EID2B: variants seen among roughly 807,000 people sequenced by gnomAD.
EID2B encodes EP300 interacting inhibitor of differentiation 2B.
EID2B carries 6 observed loss-of-function variants against 5.9 expected under a neutral mutation model. The ratio of observed to expected loss-of-function variants is 1.01; its 90% CI spans 0.55 to 2.00. The LOEUF is 2.00. EID2B is among the 30% of genes most tolerant of loss of function. The pLI, the probability that EID2B is intolerant of heterozygous loss-of-function variation, is 0.00. For synonymous variants in EID2B, 94 were observed against 104.2 expected (o/e 0.90, Z 0.60); for missense variants, 234 against 228.1 (o/e 1.03, Z -0.17).
At position 39,531,681 on chromosome 19, in the gene EID2B, AG is replaced by A. The variant is rs1272250436; in HGVS notation, c.*635del. ...AAAACACAAATATGAATCTTACACTAGGATTTGTTGACATGACCACAAATTG... is the reference window on the plus strand; with the variant it reads ...AAAACACAAATATGAATCTTACACTAGATTTGTTGACATGACCACAAATTG... On this transcript the variant is annotated 3_prime_UTR_variant, in exon 1 of 1. Coordinates refer to ENST00000326282, the MANE Select transcript of EID2B (RefSeq NM_152361.3). 2 of 152,244 alleles carry A rather than the reference AG, an allele frequency of 1.3e-5. No individual in the cohort carries two copies. The highest frequency in any genetic ancestry group is 2.4e-5 in the African/African-American group (1 of 41,464). 9.4% of individuals were successfully genotyped at this position (152,244 alleles called of 1,614,324 possible).
chr19:39,532,057 C>G lies in EID2B; in HGVS notation c.*260G>C, dbSNP rs1291558811. ...GGAGGATCGCTCGGGTCCAAGCGTT[C>G]GGGACCAGCCTAGGGATGCGAGACT... On this transcript the variant is annotated 3_prime_UTR_variant, in exon 1 of 1. Transcript: ENST00000326282. The G allele has an allele frequency of 2.2e-6, 1 of 450,128 alleles. No individual in the cohort carries two copies. The highest frequency in any genetic ancestry group is 4.3e-5 in the East Asian group (1 of 23,504). The allele number at this position is 450,128 out of a possible 1,614,324, so 27.9% of individuals were successfully genotyped here. A position where few individuals can be genotyped will look rare whatever the true frequency, so the allele number is the denominator to read the frequency against.
rs199839095 is a variant in EID2B, at chr19:39,532,828, G to C, written c.-26C>G. The C allele has an allele frequency of 1.2e-6, 2 of 1,604,108 alleles. No individual in the cohort carries two copies. The highest frequency in any genetic ancestry group is 2.2e-5 in the East Asian group (1 of 44,880). The stretch of plus-strand genomic sequence containing the variant: ...AGTCCCAGCGTTTCTACGGAGACTG[G>C]AATAACGGCACTGCACTGCTGTATG... On this transcript the variant is annotated 5_prime_UTR_variant, in exon 1 of 1. Transcript: ENST00000326282.
chr19:39,532,177 T>C lies in EID2B; in HGVS notation c.*140A>G, dbSNP rs1971969622. ...TTTCGGAGTGTGCTTCCTCCTTCAA[T>C]TGCACATTGCCGTATTCCCTTCCAG... On this transcript the variant is annotated 3_prime_UTR_variant, in exon 1 of 1. Transcript: ENST00000326282. 9 of 975,576 alleles carry C rather than the reference T, an allele frequency of 9.2e-6. No homozygotes were observed. The East Asian group carries it at 1.1e-4, about 11-fold the overall frequency. The allele number at this position is 975,576 out of a possible 1,614,324, so 60.4% of individuals were successfully genotyped here. A position where few individuals can be genotyped will look rare whatever the true frequency, so the allele number is the denominator to read the frequency against.
Position 39,532,791 on chromosome 19 carries a change from C to A in EID2B, c.12G>T (p.Pro4=). ...GCTCGGACATCTCCAACAGCCCAGT[C>A]GGCTCCGCCATAGTCCCAGCGTTTC... MAE[P]TGLLEMSELP... Residue 4 remains proline (P), a synonymous_variant, in exon 1 of 1, where the codon CCG becomes CCT. Transcript: ENST00000326282. 1 of 1,610,244 alleles carries A rather than the reference C, an allele frequency of 6.2e-7. No individual in the cohort carries two copies. Among genetic ancestry groups the A allele is most frequent in the Non-Finnish European group, 8.5e-7 (1 of 1,179,920 alleles).
chr19:39,531,707 G>A lies in EID2B; in HGVS notation c.*610C>T, dbSNP rs1971964351. ...GGATTTGTTGACATGACCACAAATT[G>A]TGAAATTTCAAAGTCCTCTCAATAG... On this transcript the variant is annotated 3_prime_UTR_variant, in exon 1 of 1. Coordinates refer to ENST00000326282, the MANE Select transcript of EID2B (RefSeq NM_152361.3). 6.6e-6 allele frequency: 1 copy of A among 152,194 alleles called. No homozygotes were observed. The highest frequency in any genetic ancestry group is 1.5e-5 in the Non-Finnish European group (1 of 68,038). 9.4% of individuals were successfully genotyped at this position (152,194 alleles called of 1,614,324 possible). A position where few individuals can be genotyped will look rare whatever the true frequency, so the allele number is the denominator to read the frequency against.
rs533129244 is a variant in EID2B at position 39,532,786 on chromosome 19, C to G, written c.17G>C (p.Gly6Ala). 2.5e-6 allele frequency: 4 copies of G among 1,610,632 alleles called. No homozygotes were observed. The highest frequency in any genetic ancestry group is 2.7e-5 in the African/African-American group (2 of 75,072). Residue 6 changes from glycine (G) to alanine (A), a missense_variant, in exon 1 of 1, where the codon GGG becomes GCG. Physicochemically the swap from Gly to Ala is moderately conservative, Grantham distance 60. Transcript: ENST00000326282. MAEPT[G>A]LLEMSELPGD... ...GGGGAGCTCGGACATCTCCAACAGC[C>G]CAGTCGGCTCCGCCATAGTCCCAGC...
chr19:39,532,392 C>T lies in EID2B; in HGVS notation c.411G>A (p.Pro137=). 1 of 1,614,160 alleles carries T rather than the reference C, an allele frequency of 6.2e-7. No individual in the cohort carries two copies. The highest frequency in any genetic ancestry group is 8.5e-7 in the Non-Finnish European group (1 of 1,180,026). ...ACGCGACAGCAGCGAAGTCCATCTG[C>T]GGGGGATCCGCGTCAAAGGCTGCTT... is the stretch of plus-strand genomic sequence containing the variant. ...AREAAFDADP[P]QMDFAAVAFT... The change falls in exon 1 of 1, where the codon CCG becomes CCA. Residue 137 remains proline, a synonymous_variant. Coordinates refer to ENST00000326282, the MANE Select transcript of EID2B (RefSeq NM_152361.3).
Position 39,531,835 on chromosome 19 carries a change from AT to A in EID2B, c.*481del, listed in dbSNP as rs11458164. 0.044 allele frequency: 6,658 copies of A among 150,732 alleles called. 374 individuals are homozygous for A. The highest frequency in any genetic ancestry group is 0.13 in the African/African-American group (5,357 of 41,044). 9.3% of individuals were successfully genotyped at this position (150,732 alleles called of 1,614,324 possible). A position where few individuals can be genotyped will look rare whatever the true frequency, so the allele number is the denominator to read the frequency against. ...CATTTCTATGGGTTCTGTTATTGGC[AT>A]TTTTTTTTTCTCATATCTTTGCAAA... On this transcript the variant is annotated 3_prime_UTR_variant, in exon 1 of 1. Transcript: ENST00000326282.
chr19:39,532,753 C>T lies in EID2B; in HGVS notation c.50G>A (p.Ser17Asn). 6.2e-7 allele frequency: 1 copy of T among 1,611,956 alleles called. No individual in the cohort carries two copies. ...CGCGGTGCCCACCTGTGGGACACTG[C>T]TATCTCCGGGGAGCTCGGACATCTC... is the stretch of plus-strand genomic sequence containing the variant. ...LLEMSELPGD[S>N]SVPQVGTASG... The change falls in exon 1 of 1, where the codon AGC (serine) becomes AAC (asparagine). Residue 17 changes from serine (S) to asparagine (N), a missense_variant. Coordinates refer to ENST00000326282, the MANE Select transcript of EID2B (RefSeq NM_152361.3).
chr19:39,532,334 T>C lies in EID2B; in HGVS notation c.469A>G (p.Ser157Gly), dbSNP rs1971972241. 6.2e-7 allele frequency: 1 copy of C among 1,613,572 alleles called. No homozygotes were observed. Among genetic ancestry groups the C allele is most frequent in the African/African-American group, 1.3e-5 (1 of 74,950 alleles). ...TVALTASEAL[S>G]PLAD ...CAGCCGACTCAGTCGGCCAGAGGAC[T>C]GAGGGCCTCGGAGGCAGTCAGCGCT... is the stretch of plus-strand genomic sequence containing the variant. Residue 157 changes from serine to glycine, a missense_variant, in exon 1 of 1, where the codon AGT becomes GGT. Transcript: ENST00000326282.
chr19:39,531,879 A>C lies in EID2B; in HGVS notation c.*438T>G, dbSNP rs1181347923. Reference sequence around the variant, plus strand: ...TTTGCAAAACCATCCTTTATGGTGAAAGTCATGAAGGATTCTTCACAAATG... The same window carrying C: ...TTTGCAAAACCATCCTTTATGGTGACAGTCATGAAGGATTCTTCACAAATG... On this transcript the variant is annotated 3_prime_UTR_variant, in exon 1 of 1. Coordinates refer to ENST00000326282, the MANE Select transcript of EID2B (RefSeq NM_152361.3). The C allele has an allele frequency of 6.5e-6, 1 of 154,040 alleles. No homozygotes were observed. Among genetic ancestry groups the C allele is most frequent in the Non-Finnish European group, 1.4e-5 (1 of 69,338 alleles). 9.5% of individuals were successfully genotyped at this position (154,040 alleles called of 1,614,324 possible).
In EID2B at chr19:39,532,392, C is replaced by CG; in HGVS notation, c.410dup (p.Gln138AlafsTer29). The CG allele has an allele frequency of 6.2e-7, 1 of 1,614,160 alleles. No homozygotes were observed. ...ACGCGACAGCAGCGAAGTCCATCTG[C>CG]GGGGGATCCGCGTCAAAGGCTGCTT... On this transcript the variant is annotated frameshift_variant, in exon 1 of 1. Coordinates refer to ENST00000326282, the MANE Select transcript of EID2B (RefSeq NM_152361.3). LOFTEE classifies it high-confidence loss of function.
rs1279929286 is a variant in EID2B, at chr19:39,532,348, G to A, written c.455C>T (p.Ala152Val). The change falls in exon 1 of 1, where the codon GCC (alanine) becomes GTC (valine). Residue 152 changes from alanine (A) to valine (V), a missense_variant. Transcript: ENST00000326282. ...AAVAFTVALT[A>V]SEALSPLAD ...GGCCAGAGGACTGAGGGCCTCGGAG[G>A]CAGTCAGCGCTACCGTAAACGCGAC... 6 of 1,613,898 alleles carry A rather than the reference G, an allele frequency of 3.7e-6. No homozygotes were observed. The highest frequency in any genetic ancestry group is 3.4e-6 in the Non-Finnish European group (4 of 1,179,848).
chr19:39,531,282 TC>T lies in EID2B; in HGVS notation c.*1034del, dbSNP rs1237967492. ...TCCGCCTCCCAGGTTCAAGTGATTC[TC>T]CTGCCTCAGCCTCCCGAGTAGCTGG... On this transcript the variant is annotated 3_prime_UTR_variant, in exon 1 of 1. Coordinates refer to ENST00000326282, the MANE Select transcript of EID2B (RefSeq NM_152361.3). 1 of 152,354 alleles carries T rather than the reference TC, an allele frequency of 6.6e-6. No individual in the cohort carries two copies. Among genetic ancestry groups the T allele is most frequent in the Non-Finnish European group, 1.5e-5 (1 of 68,132 alleles). The allele number at this position is 152,354 out of a possible 1,614,324, so 9.4% of individuals were successfully genotyped here. A position where few individuals can be genotyped will look rare whatever the true frequency, so the allele number is the denominator to read the frequency against.
In EID2B at chr19:39,532,244, G is replaced by T; in HGVS notation, c.*73C>A. On this transcript the variant is annotated 3_prime_UTR_variant, in exon 1 of 1. Transcript: ENST00000326282. ...TGACTGAGTTAACTAAACTGGCACA[G>T]CCTGCCTGTTCTTTTGATCCCAAAA... 6.5e-7 allele frequency: 1 copy of T among 1,548,014 alleles called. No individual in the cohort carries two copies. The highest frequency in any genetic ancestry group is 1.2e-5 in the South Asian group (1 of 80,982).
Position 39,532,667 on chromosome 19 carries a change from G to A in EID2B, c.136C>T (p.Arg46Trp). The part of the protein sequence containing the change: ...VGGGVRVQEA[R>W]EGPVAEAARS... Reference sequence around the variant, plus strand: ...GCAGCTTCGGCCACTGGGCCTTCCCGAGCCTCCTGCACCCGAACCCCGCCG... The same window carrying A: ...GCAGCTTCGGCCACTGGGCCTTCCCAAGCCTCCTGCACCCGAACCCCGCCG... The change falls in exon 1 of 1, where the codon CGG (arginine) becomes TGG (tryptophan). Residue 46 changes from arginine (R) to tryptophan (W), a missense_variant. By Grantham distance (101) the Arg-to-Trp change is moderately radical (BLOSUM62 -3). Transcript: ENST00000326282. 1.2e-6 allele frequency: 2 copies of A among 1,607,308 alleles called. No homozygotes were observed. Among genetic ancestry groups the A allele is most frequent in the Non-Finnish European group, 1.7e-6 (2 of 1,177,246 alleles).
At position 39,532,844 on chromosome 19, in the gene EID2B, C is replaced by T. The variant is rs970631718; in HGVS notation, c.-42G>A. ...CGGAGACTGGAATAACGGCACTGCA[C>T]TGCTGTATGCGAGACCTGCGCATGC... On this transcript the variant is annotated 5_prime_UTR_variant, in exon 1 of 1. The change creates a new upstream start codon in the 5' untranslated region. Coordinates refer to ENST00000326282, the MANE Select transcript of EID2B (RefSeq NM_152361.3). The T allele has an allele frequency of 2.5e-6, 4 of 1,598,156 alleles. No homozygotes were observed. Among genetic ancestry groups the T allele is most frequent in the Non-Finnish European group, 3.4e-6 (4 of 1,178,386 alleles).
rs1381222529 is a variant in EID2B, at chr19:39,532,281, C to T, written c.*36G>A. On this transcript the variant is annotated 3_prime_UTR_variant, in exon 1 of 1. Coordinates refer to ENST00000326282, the MANE Select transcript of EID2B (RefSeq NM_152361.3). The stretch of plus-strand genomic sequence containing the variant: ...TTTTGATCCCAAAAGGGTCACTTGG[C>T]TATTCCTTGCCACCAATGTCATCAT... 6.3e-7 allele frequency: 1 copy of T among 1,597,020 alleles called. No individual in the cohort carries two copies. Among genetic ancestry groups the T allele is most frequent in the Non-Finnish European group, 8.6e-7 (1 of 1,168,682 alleles).
chr19:39,532,352 T>A lies in EID2B; in HGVS notation c.451A>T (p.Thr151Ser). 1 of 1,613,890 alleles carries A rather than the reference T, an allele frequency of 6.2e-7. No homozygotes were observed. Among genetic ancestry groups the A allele is most frequent in the Non-Finnish European group, 8.5e-7 (1 of 1,179,872 alleles). Residue 151 changes from threonine (T) to serine (S), a missense_variant, in exon 1 of 1, where the codon ACT becomes TCT. Physicochemically the swap from Thr to Ser is moderately conservative, Grantham distance 58. Transcript: ENST00000326282. Reference protein sequence around the residue: ...FAAVAFTVALTASEALSPLAD With the variant: ...FAAVAFTVALSASEALSPLAD ...AGAGGACTGAGGGCCTCGGAGGCAG[T>A]CAGCGCTACCGTAAACGCGACAGCA...
Sources: allele counts gnomAD v4.1 joint callset, GRCh38; gene constraint gnomAD v4.1.1; transcripts MANE v1.5; gene names NCBI Gene and HGNC (gene_info 2026-07-23, HGNC 2026-07-21).